SPATS2: variants seen among roughly 807,000 people sequenced by gnomAD.
SPATS2 encodes the protein spermatogenesis-associated serine-rich protein 2.
Under a neutral mutation model 63.7 loss-of-function variants are expected in SPATS2, and 38 were observed. That is an observed-to-expected ratio of 0.60 (90% CI 0.46 to 0.78). The LOEUF is 0.78. Ranked by LOEUF, SPATS2 falls within the 30% of genes least tolerant of loss-of-function variation. The pLI is 0.00. For synonymous variants in SPATS2, 207 were observed against 232.9 expected, an observed-to-expected ratio of 0.89 and a Z score of 1.01; for missense variants, 588 against 666.2, an observed-to-expected ratio of 0.88 and a Z score of 1.29.
intron 8 of SPATS2, among the ~76,000 whole-genome samples, chr12:49,498,900 C>T (rs1946514340): frequency 1.3e-5 from 2 of 151,402 alleles, no homozygotes; most frequent in Non-Finnish European, 2.9e-5. Context: ...GATTCTCCTG[C>T]CTCAGCCTCC....
At position 49,374,601 on chromosome 12, in the gene SPATS2, G is replaced by T. The variant is rs190858460; in HGVS notation, c.-244+3311G>T. Among the ~76,000 whole-genome samples, 3 of 152,130 alleles carry T rather than the reference G, an allele frequency of 2.0e-5. No individual in the cohort carries two copies. In the South Asian group the frequency reaches 6.2e-4, roughly 32 times the overall value. Reference sequence around the variant, plus strand: ...GCCCTTGAAACATTCTGCAGGGTCTGAGGATATAGATGTTACTTAAAGGTA... The same window carrying T: ...GCCCTTGAAACATTCTGCAGGGTCTTAGGATATAGATGTTACTTAAAGGTA... On this transcript the variant is annotated intron_variant, in intron 2 of 13. Transcript: ENST00000552918.
chr12:49,385,827 G>GTT (rs200606039), intron 2 of SPATS2, among the ~76,000 whole-genome samples: 3 of 147,814 alleles, frequency 2.0e-5, no homozygotes, highest in African/African-American at 7.7e-5. Flanking sequence ...ATTTTGTGGG[G>GTT]TTTTTTTTGT....
At chr12:49,407,888 A>G (rs968634342) in intron 2 of SPATS2, among the ~76,000 whole-genome samples, 2 of 152,202 alleles carry the variant, frequency 1.3e-5, no homozygotes, top group African/African-American at 4.8e-5. Context: ...TGCACCGCCA[A>G]CAGCAGAGCT....
At chr12:49,396,865 C>A (rs948698613) in intron 2 of SPATS2, among the ~76,000 whole-genome samples, 1 of 152,194 alleles carries the variant, frequency 6.6e-6, no homozygotes, top group Non-Finnish European at 1.5e-5. Flanking sequence ...TCATGTGTAT[C>A]ATTTGTCTTC....
chr12:49,472,608 ATTT>A lies in SPATS2; in HGVS notation c.25+11573_25+11575del, dbSNP rs1052899920. On this transcript the variant is annotated intron_variant, in intron 3 of 13. Transcript: ENST00000552918. The stretch of plus-strand genomic sequence containing the variant: ...AATATCCAAATGGCTTATTTTATAT[ATTT>A]TATATATATATATATATAAAATATT... Among the ~76,000 whole-genome samples, 70 of 129,224 alleles carry A rather than the reference ATTT, an allele frequency of 5.4e-4. No homozygotes were observed. In the South Asian group the frequency reaches 0.013, roughly 24 times the overall value. 84.8% of individuals were successfully genotyped at this position (129,224 alleles called of 152,430 possible).
In SPATS2 at chr12:49,524,686, T is replaced by C. The variant is rs1282847439; in HGVS notation, c.1116T>C (p.Ser372=). ...KKSIDSFGQV[S]HPKNSYSTRS... is the part of the protein sequence containing the mutation. ...TTCCTCATATTTCTGTTTCAGTGTC[T>C]CATCCAAAGAACAGCTATTCGACCA... The change falls in exon 13 of 14, where the codon TCT becomes TCC. Residue 372 remains serine, a synonymous_variant. Transcript: ENST00000552918. 1.9e-6 allele frequency: 3 copies of C among 1,614,216 alleles called. No individual in the cohort carries two copies. The highest frequency in any genetic ancestry group is 2.5e-6 in the Non-Finnish European group (3 of 1,180,026).
chr12:49,378,023 A>G (rs1944138919), intron 2 of SPATS2, among the ~76,000 whole-genome samples: 2 of 152,094 alleles, frequency 1.3e-5, no homozygotes, highest in South Asian at 2.1e-4. Flanking sequence ...CCCAGGCTGG[A>G]GCACAATGGC....
chr12:49,488,474 C>T (rs1946332214), intron 4 of SPATS2, among the ~76,000 whole-genome samples: 1 of 151,990 alleles, frequency 6.6e-6, no homozygotes, highest in South Asian at 2.1e-4. Flanking sequence ...GCCTGGCCAA[C>T]ATAGCAAAAC....
At chr12:49,403,298 G>C (rs1038530428) in intron 2 of SPATS2, among the ~76,000 whole-genome samples, 5 of 152,106 alleles carry the variant, frequency 3.3e-5, no homozygotes, top group Non-Finnish European at 7.3e-5. Context: ...GGCCAAAGTG[G>C]TCAAAAGTAA....
intron 2 of SPATS2, among the ~76,000 whole-genome samples, chr12:49,391,062 T>C (rs1944409268): frequency 7.2e-6 from 1 of 139,532 alleles, no homozygotes; most frequent in Admixed American, 6.8e-5. Flanking sequence ...ATAGAACTCT[T>C]TTAAATTAAA....
chr12:49,439,464 T>C (rs1025591844), intron 2 of SPATS2, among the ~76,000 whole-genome samples: 2 of 152,170 alleles, frequency 1.3e-5, no homozygotes, highest in African/African-American at 4.8e-5. Context: ...AAAATCACGA[T>C]GGCTTGGACT....
chr12:49,379,270 G>A (rs971437101), intron 2 of SPATS2, among the ~76,000 whole-genome samples: 11 of 150,908 alleles, frequency 7.3e-5, no homozygotes, highest in Admixed American at 1.3e-4. Context: ...TTAACTGGCC[G>A]GGCATAGTGG....
chr12:49,459,868 C>T (rs1477938969), intron 2 of SPATS2, among the ~76,000 whole-genome samples: 1 of 143,844 alleles, frequency 7.0e-6, no homozygotes, highest in Non-Finnish European at 1.5e-5. Flanking sequence ...AGGCGGATCA[C>T]GAGGTCAGGA....
intron 3 of SPATS2, among the ~76,000 whole-genome samples, chr12:49,472,376 A>G (rs1262904614): frequency 6.6e-6 from 1 of 151,846 alleles, no homozygotes; most frequent in African/African-American, 2.4e-5. Flanking sequence ...CCAAAATTGA[A>G]AAGAATTGAT....
chr12:49,455,410 A>G (rs890622992), intron 2 of SPATS2, among the ~76,000 whole-genome samples: 6 of 152,260 alleles, frequency 3.9e-5, no homozygotes, highest in South Asian at 2.1e-4. Context: ...AAGGTCTCCT[A>G]TAGTCTCTGT....
chr12:49,492,657 T>C (rs1946402431), intron 6 of SPATS2, among the ~76,000 whole-genome samples: 1 of 152,226 alleles, frequency 6.6e-6, no homozygotes, highest in Non-Finnish European at 1.5e-5. Context: ...GACTTCAGTT[T>C]AGCAGTCCCA....
chr12:49,507,900 T>A (rs1233868805), intron 9 of SPATS2, among the ~76,000 whole-genome samples: 2 of 152,240 alleles, frequency 1.3e-5, no homozygotes, highest in Non-Finnish European at 2.9e-5. Flanking sequence ...AATACAAGAA[T>A]TAAAATAATA....
At chr12:49,453,009 A>G (rs978622643) in intron 2 of SPATS2, among the ~76,000 whole-genome samples, 4 of 151,992 alleles carry the variant, frequency 2.6e-5, no homozygotes, top group South Asian at 2.1e-4. Flanking sequence ...TACAAAAAAA[A>G]TTAGCCGGAC....
chr12:49,520,365 G>A (rs553349352), intron 11 of SPATS2, among the ~76,000 whole-genome samples: 6 of 152,014 alleles, frequency 3.9e-5, no homozygotes, highest in African/African-American at 7.2e-5. Context: ...TGATCTACCC[G>A]CCTCGGCCTC....
Sources: gnomAD v4.1 joint callset for allele counts (sites outside exome capture counted in the v4.1 genomes callset) on GRCh38, gnomAD v4.1.1 for gene constraint, MANE v1.5 for transcripts, NCBI Gene and HGNC (gene_info 2026-07-23, HGNC 2026-07-21) for gene names.